The following CEP128 variants were observed in gnomAD, a reference collection of about 807,000 sequenced individuals.
CEP128 encodes centrosomal protein 128kDa.
CEP128 carries 132 observed loss-of-function variants against 156.7 expected under a neutral mutation model. The ratio of observed to expected loss-of-function variants is 0.84; its 90% confidence interval spans 0.73 to 0.97. The LOEUF is 0.97. Among genes scored for constraint, CEP128 ranks in the 50% least tolerant of loss-of-function variants. The pLI is 0.00. For missense variants in CEP128, 1,252 were observed against 1,281.9 expected, an observed-to-expected ratio of 0.98 and a Z score of 0.36; for synonymous variants, 469 against 448.9, an observed-to-expected ratio of 1.04 and a Z score of -0.57.
At chr14:80,627,740 C>CT (rs11287309) in intron 19 of CEP128, among the ~76,000 whole-genome samples, 15,747 of 129,418 alleles carry the variant, frequency 0.12, 1,175 homozygotes, top group East Asian at 0.31. Flanking sequence ...TTATTATTTT[C>CT]TTTTTTTTTT....
intron 2 of CEP128, among the ~76,000 whole-genome samples, chr14:80,920,644 T>C (rs1451548453): frequency 6.6e-6 from 1 of 152,206 alleles, no homozygotes; most frequent in Non-Finnish European, 1.5e-5. Context: ...TAACAACATA[T>C]TGAGAGTCGT....
chr14:80,603,294 C>G (rs942997756), intron 19 of CEP128, among the ~76,000 whole-genome samples: 2 of 152,124 alleles, frequency 1.3e-5, no homozygotes, highest in African/African-American at 4.8e-5. Flanking sequence ...ATGGTCAGAA[C>G]AGGCAAATCC....
chr14:80,650,862 T>G (rs1279479751), intron 19 of CEP128, among the ~76,000 whole-genome samples: 1 of 152,198 alleles, frequency 6.6e-6, no homozygotes, highest in East Asian at 1.9e-4. Flanking sequence ...TCATCAGGGA[T>G]ACTGGCCTGA....
intron 19 of CEP128, among the ~76,000 whole-genome samples, chr14:80,701,764 CA>C (rs1897082900): frequency 6.6e-6 from 1 of 152,192 alleles, no homozygotes. Flanking sequence ...GCTTTGCCAT[CA>C]TCTTTGACCC....
chr14:80,793,164 T>C lies in CEP128; in HGVS notation c.1210-54A>G, dbSNP rs1038009914. On this transcript the variant is annotated intron_variant, in intron 13 of 24. Transcript: ENST00000555265. ...AACAAATCCTTGTCAAAATTGGATG[T>C]GTAGCATATCATCAAACAAGAATCT... The C allele has an allele frequency of 7.3e-6, 10 of 1,364,920 alleles. No homozygotes were observed. The East Asian group carries it at 2.1e-4, about 28-fold the overall frequency. 84.6% of individuals were successfully genotyped at this position (1,364,920 alleles called of 1,614,324 possible).
At chr14:80,871,458 AT>A (rs1888023483) in intron 8 of CEP128, among the ~76,000 whole-genome samples, 1 of 152,206 alleles carries the variant, frequency 6.6e-6, no homozygotes, top group African/African-American at 2.4e-5. Context: ...ATGGATCTAG[AT>A]GAATCCTTGG....
chr14:80,669,844 AC>A (rs1466565185), intron 19 of CEP128, among the ~76,000 whole-genome samples: 1 of 152,156 alleles, frequency 6.6e-6, no homozygotes, highest in Non-Finnish European at 1.5e-5. Context: ...ACAAAGAAAC[AC>A]CTGAGACTGG....
chr14:80,955,970 G>GT, intron 2 of CEP128: 1 of 1,202,828 alleles, frequency 8.3e-7, no homozygotes, highest in Non-Finnish European at 1.2e-6. Flanking sequence ...GTGTGTATGT[G>GT]TGAGTGAATG....
intron 18 of CEP128, among the ~76,000 whole-genome samples, chr14:80,748,042 T>C (rs182088456): frequency 6.6e-6 from 1 of 152,334 alleles, no homozygotes; most frequent in Admixed American, 6.5e-5. Flanking sequence ...TCAATTAAGC[T>C]GTTAGTTAAA....
chr14:80,779,690 G>A (rs1203536406), intron 15 of CEP128, among the ~76,000 whole-genome samples: 1 of 152,080 alleles, frequency 6.6e-6, no homozygotes, highest in African/African-American at 2.4e-5. Flanking sequence ...CCCCAAACTT[G>A]GCAAATGCTA....
intron 8 of CEP128, among the ~76,000 whole-genome samples, chr14:80,884,471 T>C (rs1888700299): frequency 6.6e-6 from 1 of 152,050 alleles, no homozygotes; most frequent in Non-Finnish European, 1.5e-5. Flanking sequence ...TTCATCTCAT[T>C]GGGACTGGCT....
At chr14:80,796,321 A>G (rs1329724352) in intron 13 of CEP128, among the ~76,000 whole-genome samples, 2 of 152,110 alleles carry the variant, frequency 1.3e-5, no homozygotes, top group Non-Finnish European at 1.5e-5. Context: ...TTAGCTGGGT[A>G]TGGTGGCACA....
chr14:80,605,537 A>G (rs1892742833), intron 19 of CEP128, among the ~76,000 whole-genome samples: 1 of 152,032 alleles, frequency 6.6e-6, no homozygotes, highest in African/African-American at 2.4e-5. Flanking sequence ...TAATTCTTCT[A>G]TATCTTCTTA....
intron 13 of CEP128, among the ~76,000 whole-genome samples, chr14:80,810,863 G>A (rs986508045): frequency 5.3e-5 from 8 of 152,150 alleles, no homozygotes; most frequent in African/African-American, 1.9e-4. Context: ...TGCCATGGTG[G>A]TTTGCTGCAC....
At chr14:80,883,652 A>C (rs966987541) in intron 8 of CEP128, among the ~76,000 whole-genome samples, 11 of 152,162 alleles carry the variant, frequency 7.2e-5, no homozygotes, top group Admixed American at 2.0e-4. Context: ...ATATTGTTAA[A>C]ATGTCCATAC....
At chr14:80,598,439 A>G (rs1468940739) in intron 19 of CEP128, among the ~76,000 whole-genome samples, 1 of 152,178 alleles carries the variant, frequency 6.6e-6, no homozygotes, top group Non-Finnish European at 1.5e-5. Flanking sequence ...TTGTTTGCAG[A>G]AAACAAAACA....
chr14:80,490,762 A>T (rs1887297369), intron 6 of CEP128: 1 of 152,206 alleles, frequency 6.6e-6, no homozygotes, highest in South Asian at 2.1e-4. Flanking sequence ...GTTAAAAAAA[A>T]ATACTCTAGT....
chr14:80,906,890 C>T (rs1053936111), intron 4 of CEP128, among the ~76,000 whole-genome samples: 3 of 152,170 alleles, frequency 2.0e-5, no homozygotes, highest in African/African-American at 7.2e-5. Flanking sequence ...GTCTAGATAT[C>T]TTATTCAAGG....
chr14:80,510,257 T>A (rs1391581865), intron 23 of CEP128, among the ~76,000 whole-genome samples: 2 of 152,092 alleles, frequency 1.3e-5, no homozygotes. Flanking sequence ...GACCATAAAA[T>A]ATCTTTCCAT....
Sources: gnomAD v4.1 joint callset for allele counts (sites outside exome capture counted in the v4.1 genomes callset) on GRCh38, gnomAD v4.1.1 for gene constraint, MANE v1.5 for transcripts, NCBI Gene and HGNC (gene_info 2026-07-23, HGNC 2026-07-21) for gene names.